BPIFA1: variants seen among roughly 807,000 people sequenced by gnomAD.
BPIFA1 encodes the protein BPI fold-containing family A member 1.
BPIFA1 carries 24 observed loss-of-function variants against 25.1 expected under a neutral mutation model. That is an observed-to-expected ratio of 0.96 (90% CI 0.69 to 1.35). The LOEUF (loss-of-function observed/expected upper bound fraction) is 1.35. BPIFA1 is among the 40% of genes most tolerant of loss of function. The pLI is 0.00. For missense variants in BPIFA1, 344 were observed against 303.7 expected (o/e 1.13, Z -0.99); for synonymous variants, 139 against 131.8 (o/e 1.05, Z -0.37).
intron 7 of BPIFA1, 82 bp from the exon 8 acceptor site, chr20:33,242,405 C>A: frequency 2.0e-6 from 3 of 1,527,668 alleles, no homozygotes; most frequent in Non-Finnish European, 2.7e-6. Context: ...ATTCCCTGGC[C>A]CCCCACCTTG....
At chr20:33,237,223 C>T (rs944792624) in intron 1 of BPIFA1, among the ~76,000 whole-genome samples, 5 of 152,118 alleles carry the variant, frequency 3.3e-5, no homozygotes, top group Non-Finnish European at 7.4e-5. Flanking sequence ...TACCCACACT[C>T]GGTAGTACAC....
rs554048814 is a variant in BPIFA1, at chr20:33,236,716, GA to G, written c.-16+669del. 1.7e-3 allele frequency among the ~76,000 whole-genome samples: 254 copies of G among 152,244 alleles called. 2 individuals carry two copies. Among genetic ancestry groups the G allele is most frequent in the Non-Finnish European group, 1.7e-3 (116 of 68,026 alleles). ...ATCCAGGGCAGCTTGAAGGAGAAGAGAAAGGTGTCAAAATGATAGAATGCAT... is the reference window on the plus strand; with the variant it reads ...ATCCAGGGCAGCTTGAAGGAGAAGAGAAGGTGTCAAAATGATAGAATGCAT... On this transcript the variant is annotated intron_variant, in intron 1 of 8. Coordinates refer to ENST00000354297, the MANE Select transcript of BPIFA1 (RefSeq NM_130852.3).
rs201372901 is a variant in BPIFA1, at chr20:33,239,896, G to C, written c.414G>C (p.Lys138Asn). 10 of 1,613,984 alleles carry C rather than the reference G, an allele frequency of 6.2e-6. No individual in the cohort carries two copies. Among genetic ancestry groups the C allele is most frequent in the East Asian group, 4.5e-5 (2 of 44,878 alleles). The change falls in exon 4 of 9, where the codon AAG becomes AAC. Residue 138 changes from lysine to asparagine, a missense_variant. Physicochemically the swap from Lys to Asn is moderately conservative, Grantham distance 94. Coordinates refer to ENST00000354297, the MANE Select transcript of BPIFA1 (RefSeq NM_130852.3). Reference sequence around the variant, plus strand: ...ATGTCACCATCCCTCTCGGCATAAAGCTCCAAGTGAATACGTGAGTGGGTC... The same window carrying C: ...ATGTCACCATCCCTCTCGGCATAAACCTCCAAGTGAATACGTGAGTGGGTC... ...RLYVTIPLGI[K>N]LQVNTPLVGA...
intron 6 of BPIFA1, among the ~76,000 whole-genome samples, 167 bp from the exon 7 acceptor site, chr20:33,241,889 C>T (rs1012301941): frequency 2.6e-5 from 4 of 152,188 alleles, no homozygotes; most frequent in African/African-American, 7.2e-5. Flanking sequence ...CAACATCCCT[C>T]ATGCCTCCAG....
At position 33,240,295 on chromosome 20, in the gene BPIFA1, T is replaced by C; in HGVS notation, c.491T>C (p.Leu164Ser). ...AAGCTGGACATCACTGCAGAAATCT[T>C]AGCTGTGAGAGATAAGCAGGAGAGG... is the stretch of plus-strand genomic sequence containing the variant. ...AVKLDITAEI[L>S]AVRDKQERIH... The change falls in exon 5 of 9, where the codon TTA (leucine) becomes TCA (serine). Residue 164 changes from leucine (L) to serine (S), a missense_variant. Transcript: ENST00000354297. 1 of 1,614,170 alleles carries C rather than the reference T, an allele frequency of 6.2e-7. No individual in the cohort carries two copies. Among genetic ancestry groups the C allele is most frequent in the Non-Finnish European group, 8.5e-7 (1 of 1,180,028 alleles).
intron 1 of BPIFA1, among the ~76,000 whole-genome samples, chr20:33,237,047 G>A (rs959971905): frequency 3.3e-5 from 5 of 152,188 alleles, no homozygotes; most frequent in Non-Finnish European, 7.3e-5. Flanking sequence ...GCACTTGCAC[G>A]TTTAACCCTT....
chr20:33,237,054 C>T (rs992466960), intron 1 of BPIFA1, among the ~76,000 whole-genome samples: 1 of 152,102 alleles, frequency 6.6e-6, no homozygotes, highest in Non-Finnish European at 1.5e-5. Context: ...CACGTTTAAC[C>T]CTTCTCATTT....
rs1978895916 is a variant in BPIFA1 at position 33,240,261 on chromosome 20, C to T, written c.457C>T (p.Leu153=). ...TPLVGASLLR[L]AVKLDITAEI... ...CCTGGTCGGTGCAAGTCTGTTGAGG[C>T]TGGCTGTGAAGCTGGACATCACTGC... Residue 153 remains leucine, a synonymous_variant, in exon 5 of 9, where the codon CTG becomes TTG. Coordinates refer to ENST00000354297, the MANE Select transcript of BPIFA1 (RefSeq NM_130852.3). The T allele has an allele frequency of 1.2e-6, 2 of 1,614,144 alleles. No homozygotes were observed. Among genetic ancestry groups the T allele is most frequent in the Non-Finnish European group, 1.7e-6 (2 of 1,180,024 alleles).
At position 33,237,866 on chromosome 20, in the gene BPIFA1, C is replaced by T. The variant is rs1487812671; in HGVS notation, c.155C>T (p.Thr52Ile). ...CCCACAGGTCTTGCAGGAAGCTTGA[C>T]AAATGGTGAGTTTTCAGGGGTGTAT... ...LSPTGLAGSL[T>I]NALSNGLLSG... Residue 52 changes from threonine (T) to isoleucine (I), a missense_variant, in exon 2 of 9, where the codon ACA becomes ATA. Physicochemically the swap from Thr to Ile is moderately conservative, Grantham distance 89 (BLOSUM62 -1). Transcript: ENST00000354297. 4.5e-6 allele frequency: 7 copies of T among 1,570,786 alleles called. No homozygotes were observed. The highest frequency in any genetic ancestry group is 6.0e-6 in the Non-Finnish European group (7 of 1,160,100).
chr20:33,240,645 T>TAGATA (rs1555794389), intron 5 of BPIFA1, among the ~76,000 whole-genome samples: 43 of 142,960 alleles, frequency 3.0e-4, no homozygotes, highest in African/African-American at 1.0e-3. Context: ...GATAGATAGA[T>TAGATA]GATAGATAGA....
chr20:33,238,872 C>T (rs1048706195), intron 3 of BPIFA1, among the ~76,000 whole-genome samples: 1 of 152,218 alleles, frequency 6.6e-6, no homozygotes, highest in African/African-American at 2.4e-5. Context: ...TTCCAAAATC[C>T]TACCCACCCA....
chr20:33,242,594 G>T, intron 8 of BPIFA1, 33 bp downstream of exon 8: 2 of 1,527,078 alleles, frequency 1.3e-6, no homozygotes, highest in Non-Finnish European at 1.8e-6. Context: ...CAGGGTTTTG[G>T]GGGCTGGCTG....
In BPIFA1 at chr20:33,239,918, G is replaced by T; in HGVS notation, c.428+8G>T. ...AAAGCTCCAAGTGAATACGTGAGTG[G>T]GTCCCAAGAGGGGGTGAGAGGATGG... On this transcript the variant is annotated splice_region_variant and intron_variant, in intron 4 of 8. Transcript: ENST00000354297. 1.2e-6 allele frequency: 2 copies of T among 1,609,388 alleles called. No homozygotes were observed. Among genetic ancestry groups the T allele is most frequent in the Middle Eastern group, 1.7e-4 (1 of 6,058 alleles).
rs551819165 is a variant in BPIFA1, at chr20:33,240,768, CT to C, written c.581+384del. 7.8e-4 allele frequency among the ~76,000 whole-genome samples: 119 copies of C among 152,144 alleles called. No individual in the cohort carries two copies. In the Middle Eastern group the frequency reaches 0.01, roughly 13 times the overall value. Reference sequence around the variant, plus strand: ...GCAACAAGAAATTGGAGTTTAAGCCCTGCATATTACAGGGGAATGGGGATAG... The same window carrying C: ...GCAACAAGAAATTGGAGTTTAAGCCCGCATATTACAGGGGAATGGGGATAG... On this transcript the variant is annotated intron_variant, in intron 5 of 8. Transcript: ENST00000354297.
intron 1 of BPIFA1, 65 bp from the exon 2 acceptor site, chr20:33,237,632 G>A (rs574540210): frequency 7.6e-7 from 1 of 1,313,918 alleles, no homozygotes; most frequent in Admixed American, 2.9e-5. Flanking sequence ...CAGGTGTCAG[G>A]GCAGGTGGTG....
rs200081288 is a variant in BPIFA1, at chr20:33,238,315, C to T, written c.320+101C>T. The T allele has an allele frequency of 8.2e-5, 112 of 1,362,066 alleles. No homozygotes were observed. The East Asian group carries it at 2.3e-3, about 28-fold the overall frequency. The allele number at this position is 1,362,066 out of a possible 1,614,324, so 84.4% of individuals were successfully genotyped here. A position where few individuals can be genotyped will look rare whatever the true frequency, so the allele number is the denominator to read the frequency against. Reference sequence around the variant, plus strand: ...CCCTGAAGCAGCGACCCTGAAGCAGCGAGGGAGCGGCCTGAAGATGGAGCC... The same window carrying T: ...CCCTGAAGCAGCGACCCTGAAGCAGTGAGGGAGCGGCCTGAAGATGGAGCC... On this transcript the variant is annotated intron_variant, in intron 3 of 8. Coordinates refer to ENST00000354297, the MANE Select transcript of BPIFA1 (RefSeq NM_130852.3).
At position 33,242,043 on chromosome 20, in the gene BPIFA1, T is replaced by C. The variant is rs1979001250; in HGVS notation, c.667-13T>C. The C allele has an allele frequency of 1.2e-6, 2 of 1,613,508 alleles. No homozygotes were observed. Among genetic ancestry groups the C allele is most frequent in the African/African-American group, 1.3e-5 (1 of 74,940 alleles). ...TGCCACTCTGCCTAACTCTCCTCTC[T>C]GCCCCTGGCCAGGTGTGCCCTCTGG... On this transcript the variant is annotated splice_polypyrimidine_tract_variant and intron_variant, in intron 6 of 8. Coordinates refer to ENST00000354297, the MANE Select transcript of BPIFA1 (RefSeq NM_130852.3).
chr20:33,236,936 C>A (rs558318977), intron 1 of BPIFA1, among the ~76,000 whole-genome samples: 4 of 152,288 alleles, frequency 2.6e-5, no homozygotes, highest in East Asian at 3.9e-4. Context: ...GGCCATGCGA[C>A]CCCTGTATTG....
Position 33,241,406 on chromosome 20 carries a change from A to G in BPIFA1, c.603A>G (p.Gln201=). 1 of 1,614,022 alleles carries G rather than the reference A, an allele frequency of 6.2e-7. No individual in the cohort carries two copies. The highest frequency in any genetic ancestry group is 8.5e-7 in the Non-Finnish European group (1 of 1,179,940). ...LLDGLGPLPI[Q]GLLDSLTGIL... ...TCAGACTTGGCCCCCTCCCCATTCAAGGTCTTCTGGACAGCCTCACAGGGA... is the reference window on the plus strand; with the variant it reads ...TCAGACTTGGCCCCCTCCCCATTCAGGGTCTTCTGGACAGCCTCACAGGGA... The change falls in exon 6 of 9, where the codon CAA becomes CAG. Residue 201 remains glutamine, a synonymous_variant. Coordinates refer to ENST00000354297, the MANE Select transcript of BPIFA1 (RefSeq NM_130852.3).
Sources: gnomAD v4.1 joint callset for allele counts (sites outside exome capture counted in the v4.1 genomes callset) on GRCh38, gnomAD v4.1.1 for gene constraint, MANE v1.5 for transcripts, NCBI Gene and HGNC (gene_info 2026-07-23, HGNC 2026-07-21) for gene names.